Variants in SLC9A2 observed in about 807,000 individuals in gnomAD.
SLC9A2 encodes the protein solute carrier family 9 member A2.
Under a neutral mutation model 71.7 loss-of-function variants are expected in SLC9A2, and 42 were observed. The observed-to-expected ratio is 0.59, with a 90% CI of 0.46 to 0.76. The LOEUF (loss-of-function observed/expected upper bound fraction) is 0.76, where lower values mean the gene tolerates loss of function less well. Among genes scored for constraint, SLC9A2 ranks in the 30% least tolerant of loss-of-function variants. SLC9A2 has a pLI of 0.00. For missense variants in SLC9A2, 829 were observed against 1,017.4 expected, an observed-to-expected ratio of 0.81 and a Z score of 2.52; for synonymous variants, 396 against 392.5, an observed-to-expected ratio of 1.01 and a Z score of -0.10.
At chr2:102,653,275 T>G (rs2104516519) in intron 1 of SLC9A2, among the ~76,000 whole-genome samples, 1 of 152,362 alleles carries the variant, frequency 6.6e-6, no homozygotes, top group East Asian at 1.9e-4. Context: ...CAATTCTGAA[T>G]GACCTGAGTA....
In SLC9A2 at chr2:102,704,609, G is replaced by C; in HGVS notation, c.1911G>C (p.Leu637=). ...DTSERQAKEI[L]IRRRHSLRES... ...GTGAGAGACAAGCCAAGGAGATTCT[G>C]ATTCGCCGGCGACACAGTTTGCGAG... Residue 637 remains leucine, a synonymous_variant, in exon 10 of 12, where the codon CTG becomes CTC. Coordinates refer to ENST00000233969, the MANE Select transcript of SLC9A2 (RefSeq NM_003048.6). 1.2e-6 allele frequency: 2 copies of C among 1,613,696 alleles called. No individual in the cohort carries two copies. The highest frequency in any genetic ancestry group is 8.5e-7 in the Non-Finnish European group (1 of 1,179,720).
chr2:102,664,839 T>C (rs1433521721), intron 2 of SLC9A2, among the ~76,000 whole-genome samples: 1 of 152,234 alleles, frequency 6.6e-6, no homozygotes, highest in Non-Finnish European at 1.5e-5. Flanking sequence ...GAATAAGTTA[T>C]GCAATAACTT....
intron 7 of SLC9A2, among the ~76,000 whole-genome samples, chr2:102,696,863 A>G (rs1343438791): frequency 2.6e-5 from 4 of 152,172 alleles, no homozygotes; most frequent in Admixed American, 2.0e-4. Flanking sequence ...TTAAATGGCC[A>G]TTTCTCAGGG....
intron 3 of SLC9A2, among the ~76,000 whole-genome samples, chr2:102,672,642 C>T (rs1677274382): frequency 1.3e-5 from 2 of 152,180 alleles, no homozygotes; most frequent in South Asian, 4.2e-4. Flanking sequence ...CAAACTAAAG[C>T]CACCTTGTGA....
intron 9 of SLC9A2, 78 bp from the exon 10 acceptor site, chr2:102,704,466 A>T: frequency 7.0e-7 from 1 of 1,424,000 alleles, no homozygotes; most frequent in Non-Finnish European, 9.7e-7. Context: ...GAAATGTGGT[A>T]AAGTCTTGGA....
In SLC9A2 at chr2:102,651,712, C is replaced by A. The variant is rs559341616; in HGVS notation, c.290-5852C>A. ...ACTTATTTTCTATTTCCCACACTAG[C>A]CTGCAGCTCTCCAGTGCAGAGGTTT... On this transcript the variant is annotated intron_variant, in intron 1 of 11. Coordinates refer to ENST00000233969, the MANE Select transcript of SLC9A2 (RefSeq NM_003048.6). Among the ~76,000 whole-genome samples, 15 of 152,334 alleles carry A rather than the reference C, an allele frequency of 9.8e-5. No individual in the cohort carries two copies. In the South Asian group the frequency reaches 3.1e-3, roughly 32 times the overall value.
chr2:102,623,119 C>A (rs756697850), intron 1 of SLC9A2, among the ~76,000 whole-genome samples: 2 of 152,148 alleles, frequency 1.3e-5, no homozygotes, highest in Admixed American at 1.3e-4. Context: ...TTGCCAGTTT[C>A]GGCTTTCCCC....
intron 5 of SLC9A2, among the ~76,000 whole-genome samples, chr2:102,686,249 C>T (rs1677543309): frequency 6.6e-6 from 1 of 152,138 alleles, no homozygotes; most frequent in African/African-American, 2.4e-5. Flanking sequence ...GGCACTGAAA[C>T]TGAGGCTAAG....
intron 1 of SLC9A2, among the ~76,000 whole-genome samples, chr2:102,645,361 G>A (rs1286435961): frequency 2.0e-5 from 3 of 152,094 alleles, no homozygotes; most frequent in Non-Finnish European, 1.5e-5. Context: ...GTGCAGAAGG[G>A]CTGAATATTC....
chr2:102,690,626 C>A (rs1677640896), intron 5 of SLC9A2, among the ~76,000 whole-genome samples: 1 of 152,046 alleles, frequency 6.6e-6, no homozygotes, highest in South Asian at 2.1e-4. Context: ...AATCAGTGTG[C>A]AGCATGGAAA....
chr2:102,704,504 G>A, intron 9 of SLC9A2, 40 bp from the exon 10 acceptor site: 3 of 1,591,856 alleles, frequency 1.9e-6, no homozygotes, highest in Non-Finnish European at 2.6e-6. Flanking sequence ...TCAGGTTTTT[G>A]TTTTTGTTTT....
intron 3 of SLC9A2, among the ~76,000 whole-genome samples, chr2:102,667,661 G>A (rs1248452176): frequency 1.3e-5 from 2 of 152,158 alleles, no homozygotes; most frequent in African/African-American, 4.8e-5. Context: ...ACATATTCCT[G>A]ATAAATAGCA....
At position 102,704,685 on chromosome 2, in the gene SLC9A2, T is replaced by C. The variant is rs1558725828; in HGVS notation, c.1977+10T>C. The C allele has an allele frequency of 1.2e-6, 2 of 1,607,920 alleles. No homozygotes were observed. The highest frequency in any genetic ancestry group is 1.1e-5 in the South Asian group (1 of 90,958). The stretch of plus-strand genomic sequence containing the variant: ...GAATCGAGAACACAGGGTAACTGAG[T>C]GTGCGCCTCTAGGAGACTTCCAGGG... On this transcript the variant is annotated intron_variant, in intron 10 of 11. Transcript: ENST00000233969.
chr2:102,684,720 A>G (rs1677516668), intron 5 of SLC9A2, among the ~76,000 whole-genome samples: 1 of 152,190 alleles, frequency 6.6e-6, no homozygotes. Flanking sequence ...TGACTCCCCT[A>G]AATGAGGAAT....
intron 1 of SLC9A2, among the ~76,000 whole-genome samples, chr2:102,656,521 T>C (rs1234804137): frequency 6.6e-6 from 1 of 152,182 alleles, no homozygotes; most frequent in East Asian, 1.9e-4. Flanking sequence ...GGGAACTTGA[T>C]TGGGAACTAT....
intron 1 of SLC9A2, among the ~76,000 whole-genome samples, chr2:102,638,055 G>A (rs1054083819): frequency 6.6e-6 from 1 of 152,180 alleles, no homozygotes; most frequent in Non-Finnish European, 1.5e-5. Flanking sequence ...AGATAACTTG[G>A]ACAGAAGAAT....
chr2:102,691,441 C>A (rs761584012), intron 5 of SLC9A2, among the ~76,000 whole-genome samples: 2 of 152,218 alleles, frequency 1.3e-5, no homozygotes, highest in African/African-American at 2.4e-5. Flanking sequence ...CCCTCCCAAC[C>A]AGACACCCAG....
chr2:102,695,155 G>A, intron 7 of SLC9A2, 42 bp downstream of exon 7: 1 of 1,397,768 alleles, frequency 7.2e-7, no homozygotes, highest in Admixed American at 1.8e-5. Context: ...GTGGCCCAGG[G>A]TCATTCTGAA....
chr2:102,632,579 C>T (rs1676397263), intron 1 of SLC9A2, among the ~76,000 whole-genome samples: 1 of 151,970 alleles, frequency 6.6e-6, no homozygotes, highest in Admixed American at 6.6e-5. Context: ...CAAATTCATC[C>T]CTTGTTTGAA....
Sources: gnomAD v4.1 joint callset for allele counts (sites outside exome capture counted in the v4.1 genomes callset) on GRCh38, gnomAD v4.1.1 for gene constraint, MANE v1.5 for transcripts, NCBI Gene and HGNC (gene_info 2026-07-23, HGNC 2026-07-21) for gene names.